Variants in MTX2 observed in about 807,000 individuals in gnomAD.
MTX2 encodes metaxin-2.
A neutral mutation model predicts 42.3 loss-of-function variants in MTX2; 35 were observed. That is an observed-to-expected ratio of 0.83 (90% CI 0.63 to 1.10). The LOEUF (loss-of-function observed/expected upper bound fraction) is 1.10, where lower values mean the gene tolerates loss of function less well. MTX2 is among the 50% of genes least tolerant of loss of function. The probability of loss-of-function intolerance (pLI) is 0.00; values close to 1 mark genes in which losing one functional copy is unlikely to be tolerated. For missense variants in MTX2, 307 were observed against 304.1 expected, an observed-to-expected ratio of 1.01 and a Z score of -0.07; for synonymous variants, 119 against 100.9, an observed-to-expected ratio of 1.18 and a Z score of -1.08.
chr2:176,330,613 A>G lies in MTX2; in HGVS notation c.573A>G (p.Gln191=), dbSNP rs74492834. 9.2e-3 allele frequency: 14,649 copies of G among 1,594,952 alleles called. 97 individuals carry two copies. The highest frequency in any genetic ancestry group is 0.011 in the Non-Finnish European group (12,670 of 1,167,358). Residue 191 remains glutamine, a synonymous_variant, in exon 9 of 10, where the codon CAA becomes CAG. Coordinates refer to ENST00000249442, the MANE Select transcript of MTX2 (RefSeq NM_006554.5). ...TAGAGGATGTAGACCAGTGCTGTCAAGCTCTCTCTCAAAGACTGGGAACAC... is the reference window on the plus strand; with the variant it reads ...TAGAGGATGTAGACCAGTGCTGTCAGGCTCTCTCTCAAAGACTGGGAACAC... The part of the protein sequence containing the change: ...QVLEDVDQCC[Q]ALSQRLGTQP...
intron 1 of MTX2, among the ~76,000 whole-genome samples, chr2:176,290,889 T>C (rs888999314): frequency 1.6e-4 from 25 of 152,170 alleles, no homozygotes; most frequent in Non-Finnish European, 3.2e-4. Flanking sequence ...GAAATCTCTT[T>C]CTATACAATG....
intron 2 of MTX2, 98 bp from the exon 3 acceptor site, chr2:176,297,751 G>T: frequency 1.7e-6 from 1 of 599,730 alleles, no homozygotes; most frequent in Non-Finnish European, 2.7e-6. Flanking sequence ...TTAGAATTTA[G>T]TGGTAGGCGA....
At chr2:176,293,592 C>T (rs1558929684) in intron 1 of MTX2, among the ~76,000 whole-genome samples, 1 of 151,958 alleles carries the variant, frequency 6.6e-6, no homozygotes, top group Non-Finnish European at 1.5e-5. Context: ...TCCCCCCCTT[C>T]TCTTGCTCCT....
intron 3 of MTX2, among the ~76,000 whole-genome samples, chr2:176,320,741 C>G (rs1483930694): frequency 1.4e-5 from 2 of 146,816 alleles, no homozygotes; most frequent in Non-Finnish European, 3.0e-5. Flanking sequence ...ATTGCCCAGG[C>G]TGGAGTGCAG....
chr2:176,309,911 G>T (rs1321786405), intron 3 of MTX2, among the ~76,000 whole-genome samples: 1 of 151,888 alleles, frequency 6.6e-6, no homozygotes, highest in Non-Finnish European at 1.5e-5. Flanking sequence ...TACATTTAAG[G>T]TTAATATTGT....
chr2:176,270,843 A>G (rs1000586168), intron 1 of MTX2, among the ~76,000 whole-genome samples: 4 of 152,168 alleles, frequency 2.6e-5, no homozygotes, highest in Non-Finnish European at 5.9e-5. Flanking sequence ...TGCTCAATAA[A>G]TATTTGCGAC....
chr2:176,279,997 A>G (rs1693040426), intron 1 of MTX2, among the ~76,000 whole-genome samples: 1 of 152,158 alleles, frequency 6.6e-6, no homozygotes, highest in South Asian at 2.1e-4. Flanking sequence ...GACTTTTATG[A>G]AAAGATATAG....
intron 3 of MTX2, among the ~76,000 whole-genome samples, chr2:176,313,911 A>T (rs1684376411): frequency 6.6e-6 from 1 of 152,136 alleles, no homozygotes; most frequent in South Asian, 2.1e-4. Flanking sequence ...AACAGAAAGT[A>T]AGAATAAAGG....
intron 3 of MTX2, among the ~76,000 whole-genome samples, chr2:176,300,733 C>G (rs1470674202): frequency 6.6e-6 from 1 of 152,008 alleles, no homozygotes; most frequent in African/African-American, 2.4e-5. Context: ...AAATAGAGCT[C>G]TTTGTTTCAA....
chr2:176,306,596 G>A (rs919427632), intron 3 of MTX2, among the ~76,000 whole-genome samples: 2 of 152,066 alleles, frequency 1.3e-5, no homozygotes, highest in Non-Finnish European at 2.9e-5. Flanking sequence ...TTTAATGATT[G>A]CCATTCTAAC....
intron 1 of MTX2, among the ~76,000 whole-genome samples, chr2:176,277,525 C>T (rs1000411630): frequency 6.6e-6 from 1 of 152,126 alleles, no homozygotes; most frequent in African/African-American, 2.4e-5. Flanking sequence ...GCCTCAGACT[C>T]CTGAGTAGCT....
intron 1 of MTX2, 100 bp downstream of exon 1, chr2:176,269,769 C>G: frequency 1.5e-6 from 2 of 1,368,460 alleles, no homozygotes; most frequent in South Asian, 1.4e-5. Context: ...CGGCATTATA[C>G]GCTGAACCCG....
intron 1 of MTX2, among the ~76,000 whole-genome samples, chr2:176,287,628 T>C (rs1446705590): frequency 6.6e-6 from 1 of 152,186 alleles, no homozygotes; most frequent in East Asian, 1.9e-4. Context: ...GACTCTTATG[T>C]CAGTCAACAA....
At chr2:176,314,897 G>A (rs1684400983) in intron 3 of MTX2, among the ~76,000 whole-genome samples, 1 of 152,148 alleles carries the variant, frequency 6.6e-6, no homozygotes, top group Non-Finnish European at 1.5e-5. Flanking sequence ...GACCAAAGAT[G>A]AAGATGGTCC....
At chr2:176,310,605 C>CT (rs1433502102) in intron 3 of MTX2, among the ~76,000 whole-genome samples, 2 of 152,138 alleles carry the variant, frequency 1.3e-5, no homozygotes, top group Admixed American at 6.5e-5. Context: ...CCTTTTGACT[C>CT]TTTTTTCTCT....
rs953111662 is a variant in MTX2 at position 176,296,867 on chromosome 2, A to G, written c.48A>G (p.Glu16=). Residue 16 remains glutamate, a synonymous_variant, in exon 2 of 10, where the codon GAA becomes GAG. Transcript: ENST00000249442. ...ACTGCCTTGTTTCCATAGCTGCAGA[A>G]CCTTGGCCTGAAAATGCTACATTAT... ...EAFVSQIAAA[E]PWPENATLYQ... The G allele has an allele frequency of 6.2e-7, 1 of 1,613,630 alleles. No individual in the cohort carries two copies. Among genetic ancestry groups the G allele is most frequent in the Non-Finnish European group, 8.5e-7 (1 of 1,179,704 alleles).
At chr2:176,319,765 A>G (rs1205786461) in intron 3 of MTX2, among the ~76,000 whole-genome samples, 1 of 151,914 alleles carries the variant, frequency 6.6e-6, no homozygotes, top group East Asian at 1.9e-4. Context: ...TAGTAGAGTC[A>G]GGGTTTCACC....
Position 176,269,738 on chromosome 2 carries a change from T to C in MTX2, c.40+69T>C, listed in dbSNP as rs993941726. The stretch of plus-strand genomic sequence containing the variant: ...CGGGGAGCCGCGTGGGGTACAGGGC[T>C]GGAGCTTTCCTCCAGCCTTGCGGCA... On this transcript the variant is annotated intron_variant, in intron 1 of 9. Coordinates refer to ENST00000249442, the MANE Select transcript of MTX2 (RefSeq NM_006554.5). The C allele has an allele frequency of 2.7e-6, 4 of 1,504,242 alleles. No individual in the cohort carries two copies. In the African/African-American group the frequency reaches 5.7e-5, roughly 21 times the overall value. 93.2% of individuals were successfully genotyped at this position (1,504,242 alleles called of 1,614,324 possible). A position where few individuals can be genotyped will look rare whatever the true frequency, so the allele number is the denominator to read the frequency against.
At chr2:176,274,581 C>CAGGG (rs1342636493) in intron 1 of MTX2, among the ~76,000 whole-genome samples, 1 of 152,088 alleles carries the variant, frequency 6.6e-6, no homozygotes, top group Non-Finnish European at 1.5e-5. Context: ...TGTGCATACA[C>CAGGG]AAACACATGG....
Sources: allele counts gnomAD v4.1 joint callset (sites outside exome capture counted in the v4.1 genomes callset), GRCh38; gene constraint gnomAD v4.1.1; transcripts MANE v1.5; gene names NCBI Gene and HGNC (gene_info 2026-07-23, HGNC 2026-07-21).